STK32C: variants seen among roughly 807,000 people sequenced by gnomAD.
STK32C encodes serine/threonine kinase 32C.
A neutral mutation model predicts 56.5 loss-of-function variants in STK32C; 31 were observed. The ratio of observed to expected loss-of-function variants is 0.55; its 90% CI spans 0.41 to 0.74. STK32C has a LOEUF of 0.74. STK32C is among the 30% of genes least tolerant of loss of function. The pLI is 0.00. For synonymous variants in STK32C, 309 were observed against 289.4 expected, an observed-to-expected ratio of 1.07 and a Z score of -0.69; for missense variants, 544 against 676.9, an observed-to-expected ratio of 0.80 and a Z score of 2.18.
At chr10:132,242,293 A>G (rs973375282) in intron 2 of STK32C, among the ~76,000 whole-genome samples, 4 of 152,084 alleles carry the variant, frequency 2.6e-5, no homozygotes, top group African/African-American at 9.7e-5. Context: ...GAAGGCACCC[A>G]GGACACGGGA....
At chr10:132,305,288 C>T (rs2066025701) in intron 1 of STK32C, among the ~76,000 whole-genome samples, 1 of 152,154 alleles carries the variant, frequency 6.6e-6, no homozygotes, top group African/African-American at 2.4e-5. Context: ...TTCTGGAGTC[C>T]ACAAGGATTA....
chr10:132,312,166 C>T (rs1244792921), upstream of STK32C, among the ~76,000 whole-genome samples: 1 of 152,164 alleles, frequency 6.6e-6, no homozygotes, highest in Admixed American at 6.5e-5. Context: ...GACCCCACCC[C>T]TGGCTGATTT....
chr10:132,274,084 T>C (rs1220163999), intron 1 of STK32C, among the ~76,000 whole-genome samples: 1 of 152,026 alleles, frequency 6.6e-6, no homozygotes, highest in East Asian at 1.9e-4. Flanking sequence ...GGTGCAGGGG[T>C]TGGGGCTGGA....
chr10:132,313,540 A>G (rs901721043), intron 1 of STK32C, among the ~76,000 whole-genome samples: 1 of 152,274 alleles, frequency 6.6e-6, no homozygotes, highest in Non-Finnish European at 1.5e-5. Context: ...GGATGCACAG[A>G]GGGCTGCGAG....
chr10:132,325,471 T>G (rs1225989894), intron 1 of STK32C, among the ~76,000 whole-genome samples: 1 of 151,088 alleles, frequency 6.6e-6, no homozygotes, highest in Non-Finnish European at 1.5e-5. Flanking sequence ...GAGAATGGCG[T>G]GAACCCAGGA....
At chr10:132,236,958 A>T (rs2063313668) in intron 2 of STK32C, among the ~76,000 whole-genome samples, 1 of 152,242 alleles carries the variant, frequency 6.6e-6, no homozygotes, top group South Asian at 2.1e-4. Context: ...GTCTGTAAGT[A>T]CTAGAAGATC....
intron 2 of STK32C, among the ~76,000 whole-genome samples, chr10:132,245,132 T>C (rs1392169920): frequency 6.6e-6 from 1 of 152,198 alleles, no homozygotes; most frequent in Non-Finnish European, 1.5e-5. Flanking sequence ...TCCGGTAGCA[T>C]GGCAATCGCT....
chr10:132,273,577 G>A (rs542273802), intron 1 of STK32C, among the ~76,000 whole-genome samples: 28 of 144,296 alleles, frequency 1.9e-4, no homozygotes, highest in African/African-American at 7.3e-4. Context: ...CATGGTGAGT[G>A]AATGAATACA....
At chr10:132,261,299 A>G (rs578049693) in intron 1 of STK32C, among the ~76,000 whole-genome samples, 1 of 152,334 alleles carries the variant, frequency 6.6e-6, no homozygotes, top group Non-Finnish European at 1.5e-5. Context: ...AGGATACAGA[A>G]CCAACATACA....
intron 1 of STK32C, among the ~76,000 whole-genome samples, chr10:132,282,645 TAAC>T (rs1274557435): frequency 1.3e-5 from 2 of 151,964 alleles, no homozygotes; most frequent in Non-Finnish European, 2.9e-5. Context: ...AAACAAGAAA[TAAC>T]AACAAAATAA....
At chr10:132,301,162 T>C (rs1287071598) in intron 1 of STK32C, among the ~76,000 whole-genome samples, 2 of 149,680 alleles carry the variant, frequency 1.3e-5, no homozygotes, top group Admixed American at 6.7e-5. Context: ...CCTCCATTAA[T>C]ATGAGCCCAG....
intron 1 of STK32C, among the ~76,000 whole-genome samples, chr10:132,295,387 C>A (rs984958819): frequency 6.6e-6 from 1 of 152,218 alleles, no homozygotes; most frequent in Admixed American, 6.5e-5. Flanking sequence ...CAGAAACTCA[C>A]AAGAGCAACA....
chr10:132,258,584 C>T (rs2064203230), intron 1 of STK32C, among the ~76,000 whole-genome samples: 1 of 152,242 alleles, frequency 6.6e-6, no homozygotes, highest in Admixed American at 6.5e-5. Flanking sequence ...CGCAGGCCTT[C>T]CTCTGGAATT....
chr10:132,303,236 G>A (rs1391871286), intron 1 of STK32C, among the ~76,000 whole-genome samples: 1 of 152,228 alleles, frequency 6.6e-6, no homozygotes, highest in Non-Finnish European at 1.5e-5. Flanking sequence ...ACTAATGCGA[G>A]AAGGAGAGAG....
At chr10:132,229,163 CCT>C (rs756778203) in intron 2 of STK32C, among the ~76,000 whole-genome samples, 6 of 152,230 alleles carry the variant, frequency 3.9e-5, no homozygotes, top group African/African-American at 7.2e-5. Flanking sequence ...AGAGCTAACC[CCT>C]GTCTGACACT....
chr10:132,219,869 G>A (rs1290883649), intron 10 of STK32C, among the ~76,000 whole-genome samples: 2 of 152,172 alleles, frequency 1.3e-5, no homozygotes, highest in African/African-American at 4.8e-5. Flanking sequence ...CCAGGTCTGA[G>A]GAGGCTGCAC....
At chr10:132,214,379 G>A (rs1180832132) in intron 10 of STK32C, among the ~76,000 whole-genome samples, 1 of 152,168 alleles carries the variant, frequency 6.6e-6, no homozygotes, top group Non-Finnish European at 1.5e-5. Flanking sequence ...AGTGTTGAAA[G>A]TAAAAAACCT....
intron 1 of STK32C, among the ~76,000 whole-genome samples, chr10:132,287,317 C>G (rs1176672336): frequency 1.3e-5 from 2 of 151,798 alleles, no homozygotes; most frequent in African/African-American, 4.8e-5. Flanking sequence ...ATGGTGAAAC[C>G]CCGTCTCTAC....
At chr10:132,258,980 C>T (rs188376128) in intron 1 of STK32C, among the ~76,000 whole-genome samples, 2 of 152,354 alleles carry the variant, frequency 1.3e-5, no homozygotes, top group African/African-American at 4.8e-5. Flanking sequence ...TCATCTCCAA[C>T]TAAAAGCATT....
Sources: gnomAD v4.1 joint callset for allele counts (sites outside exome capture counted in the v4.1 genomes callset) on GRCh38, gnomAD v4.1.1 for gene constraint, MANE v1.5 for transcripts, NCBI Gene and HGNC (gene_info 2026-07-23, HGNC 2026-07-21) for gene names.